Variants in CLUAP1 observed in about 807,000 individuals in gnomAD.
CLUAP1 encodes clusterin-associated protein 1.
A neutral mutation model predicts 55.0 loss-of-function variants in CLUAP1; 50 were observed. That is an observed-to-expected ratio of 0.91 (90% CI 0.72 to 1.15). CLUAP1 has a LOEUF of 1.15. Among genes scored for constraint, CLUAP1 ranks in the 50% most tolerant of loss-of-function variants. The pLI, the probability that CLUAP1 is intolerant of heterozygous loss-of-function variation, is 0.00. For missense variants in CLUAP1, 530 were observed against 507.6 expected, an observed-to-expected ratio of 1.04 and a Z score of -0.42; for synonymous variants, 195 against 175.4, an observed-to-expected ratio of 1.11 and a Z score of -0.88.
At chr16:3,500,818 G>A (rs1348194083), upstream of CLUAP1, 8 of 558,636 alleles carry the variant, frequency 1.4e-5, no homozygotes, top group Admixed American at 3.2e-5. Flanking sequence ...CAGAAGCTGG[G>A]AAGCTTGCAG....
Position 3,536,337 on chromosome 16 carries a change from G to C in CLUAP1, c.*66G>C. The C allele has an allele frequency of 6.5e-7, 1 of 1,548,198 alleles. No homozygotes were observed. Among genetic ancestry groups the C allele is most frequent in the Non-Finnish European group, 8.8e-7 (1 of 1,136,908 alleles). Reference sequence around the variant, plus strand: ...CTTGTAGGTAAATGGGAACTTAGAAGGTTAGGAAGGTAACCCCTGTTTTGT... The same window carrying C: ...CTTGTAGGTAAATGGGAACTTAGAACGTTAGGAAGGTAACCCCTGTTTTGT... On this transcript the variant is annotated 3_prime_UTR_variant, in exon 12 of 12. Transcript: ENST00000576634.
At chr16:3,510,785 G>C (rs75893230) in intron 4 of CLUAP1, among the ~76,000 whole-genome samples, 38 of 152,336 alleles carry the variant, frequency 2.5e-4, no homozygotes, top group Middle Eastern at 3.4e-3. Context: ...TTTTGTGTGA[G>C]CCCCTGGAAG....
intron 9 of CLUAP1, 136 bp from the exon 10 acceptor site, chr16:3,530,432 A>G (rs2038091219): frequency 1.5e-6 from 1 of 668,018 alleles, no homozygotes; most frequent in Admixed American, 2.8e-5. Flanking sequence ...GCATGGGATA[A>G]GGATTTAATG....
At chr16:3,514,556 T>G (rs2037694108) in intron 5 of CLUAP1, among the ~76,000 whole-genome samples, 1 of 152,180 alleles carries the variant, frequency 6.6e-6, no homozygotes, top group Non-Finnish European at 1.5e-5. Context: ...TTGTCTTACT[T>G]TGTTCAGGCT....
chr16:3,517,507 T>C (rs980354669), intron 6 of CLUAP1, among the ~76,000 whole-genome samples: 18 of 151,954 alleles, frequency 1.2e-4, no homozygotes, highest in African/African-American at 4.1e-4. Flanking sequence ...GATGGAGTTT[T>C]GCCATGTTTG....
intron 6 of CLUAP1, among the ~76,000 whole-genome samples, chr16:3,516,123 C>T (rs1181408269): frequency 1.3e-5 from 2 of 152,160 alleles, no homozygotes; most frequent in Admixed American, 6.5e-5. Flanking sequence ...CCTCATTTTC[C>T]TCATCTGTAA....
At chr16:3,513,671 A>G (rs1453911569) in intron 5 of CLUAP1, among the ~76,000 whole-genome samples, 1 of 152,094 alleles carries the variant, frequency 6.6e-6, no homozygotes, top group East Asian at 1.9e-4. Context: ...GTTGGTCTCA[A>G]ACTCCTGATC....
upstream of CLUAP1, among the ~76,000 whole-genome samples, chr16:3,498,931 G>A (rs772002119): frequency 2.2e-4 from 34 of 152,100 alleles, no homozygotes; most frequent in Non-Finnish European, 3.8e-4. Context: ...TGAAATGGAA[G>A]AAAATATTGG....
chr16:3,523,916 A>G (rs1266967854), intron 8 of CLUAP1, among the ~76,000 whole-genome samples: 3 of 152,184 alleles, frequency 2.0e-5, no homozygotes, highest in African/African-American at 7.2e-5. Flanking sequence ...CAGTGAGCCA[A>G]GATCGTGCCA....
At chr16:3,526,762 A>C (rs1409880365) in intron 9 of CLUAP1, among the ~76,000 whole-genome samples, 1 of 152,132 alleles carries the variant, frequency 6.6e-6, no homozygotes, top group Non-Finnish European at 1.5e-5. Flanking sequence ...GTCTGGTTTA[A>C]ATATAGCATT....
At chr16:3,512,724 A>G (rs896949245) in intron 5 of CLUAP1, among the ~76,000 whole-genome samples, 8 of 152,138 alleles carry the variant, frequency 5.3e-5, no homozygotes, top group African/African-American at 1.9e-4. Flanking sequence ...TGTGTTGCCC[A>G]GGCTGGAGTG....
upstream of CLUAP1, chr16:3,500,918 T>G: frequency 1.2e-6 from 1 of 818,000 alleles, no homozygotes; most frequent in Non-Finnish European, 1.9e-6. Flanking sequence ...CGTATGCACG[T>G]GCCGCCGCGT....
intron 5 of CLUAP1, among the ~76,000 whole-genome samples, chr16:3,513,453 A>G (rs554538443): frequency 2.2e-4 from 34 of 151,754 alleles, no homozygotes; most frequent in Admixed American, 4.6e-4. Context: ...TATTTTTTTA[A>G]TTTTGTTATT....
chr16:3,510,788 C>T lies in CLUAP1; in HGVS notation c.400-1595C>T, dbSNP rs146267116. On this transcript the variant is annotated intron_variant, in intron 4 of 11. Coordinates refer to ENST00000576634, the MANE Select transcript of CLUAP1 (RefSeq NM_015041.3). ...TGCTCTGAAGTTTTTTGTGTGAGCC[C>T]CTGGAAGGATGAAGTTGCCATGTAC... is the stretch of plus-strand genomic sequence containing the variant. 2.2e-4 allele frequency among the ~76,000 whole-genome samples: 33 copies of T among 152,236 alleles called. No homozygotes were observed. In the East Asian group the frequency reaches 5.4e-3, roughly 25 times the overall value.
chr16:3,502,421 C>T (rs1180982534), intron 1 of CLUAP1, among the ~76,000 whole-genome samples: 3 of 149,722 alleles, frequency 2.0e-5, no homozygotes, highest in Non-Finnish European at 4.4e-5. Context: ...TCCACCCTGG[C>T]CGACAGAGTG....
In CLUAP1 at chr16:3,522,646, G is replaced by A. The variant is rs537141087; in HGVS notation, c.714-512G>A. Among the ~76,000 whole-genome samples, 3 of 151,990 alleles carry A rather than the reference G, an allele frequency of 2.0e-5. No individual in the cohort carries two copies. The South Asian group carries it at 6.2e-4, about 32-fold the overall frequency. On this transcript the variant is annotated intron_variant, in intron 7 of 11. Transcript: ENST00000576634. ...CACTCACTGCAGCCTTGAACTCCAG[G>A]GCTCAATCCTCCTCCTACTTCAGCC...
intron 6 of CLUAP1, among the ~76,000 whole-genome samples, chr16:3,517,444 G>C (rs2037750333): frequency 6.6e-6 from 1 of 151,638 alleles, no homozygotes; most frequent in Non-Finnish European, 1.5e-5. Flanking sequence ...ATAGCTGGAA[G>C]TACAGGCATG....
chr16:3,505,979 A>G (rs752652389), intron 2 of CLUAP1, among the ~76,000 whole-genome samples: 10 of 152,114 alleles, frequency 6.6e-5, no homozygotes, highest in African/African-American at 2.2e-4. Context: ...AACTTCACCA[A>G]CTCTGCTGCT....
chr16:3,500,521 C>T (rs1291036221), upstream of CLUAP1, among the ~76,000 whole-genome samples: 3 of 152,138 alleles, frequency 2.0e-5, no homozygotes, highest in African/African-American at 7.2e-5. Context: ...AGGTGTGCGC[C>T]ACCACGCTTG....
Sources: allele counts gnomAD v4.1 joint callset (sites outside exome capture counted in the v4.1 genomes callset), GRCh38; gene constraint gnomAD v4.1.1; transcripts MANE v1.5; gene names NCBI Gene and HGNC (gene_info 2026-07-23, HGNC 2026-07-21).